The following USP9Y variants were observed in gnomAD, a reference collection of about 807,000 sequenced individuals.
USP9Y encodes the protein ubiquitin carboxyl-terminal hydrolase 9Y.
USP9Y carries 41 observed loss-of-function variants against 53.1 expected under a neutral mutation model. That is an observed-to-expected ratio of 0.77 (90% CI 0.60 to 1.00). USP9Y has a LOEUF of 1.00. Ranked by LOEUF, USP9Y falls within the 50% of genes least tolerant of loss-of-function variation. USP9Y has a pLI of 0.00. For missense variants in USP9Y, 567 were observed against 535.8 expected, an observed-to-expected ratio of 1.06 and a Z score of -0.58; for synonymous variants, 220 against 173.7, an observed-to-expected ratio of 1.27 and a Z score of -2.09.
intron 33 of USP9Y, among the ~76,000 whole-genome samples, chrY:12,827,587 T>C: frequency 3.0e-5 from 1 of 33,425 alleles, no homozygotes; most frequent in Non-Finnish European, 7.4e-5. Context: ...GTTTTTGTAA[T>C]GTATATTCAT....
intron 42 of USP9Y, among the ~76,000 whole-genome samples, chrY:12,850,371 T>G: frequency 3.0e-5 from 1 of 32,834 alleles, no homozygotes; most frequent in Non-Finnish European, 7.5e-5. Context: ...ATCTATTTAT[T>G]TTGTTGATCT....
intron 44 of USP9Y, 109 bp from the exon 45 acceptor site, chrY:12,857,457 C>T (rs750144616): frequency 1.0e-5 from 2 of 199,184 alleles, no homozygotes; most frequent in East Asian, 2.3e-4. Context: ...GTTAAAGAGG[C>T]CAGCTTTGTG....
chrY:12,855,070 C>T (rs765948516), intron 42 of USP9Y, among the ~76,000 whole-genome samples: 70 of 33,072 alleles, frequency 2.1e-3, no homozygotes, highest in Non-Finnish European at 4.8e-3. Context: ...TCAAAAGTTG[C>T]CCTTTCCAAA....
At chrY:12,727,485 G>A in intron 7 of USP9Y, among the ~76,000 whole-genome samples, 2 of 33,232 alleles carry the variant, frequency 6.0e-5, no homozygotes, top group Non-Finnish European at 1.5e-4. Context: ...CAAAACCACT[G>A]CACTAGCAGT....
At chrY:12,736,880 A>G (rs2053452404) in intron 10 of USP9Y, among the ~76,000 whole-genome samples, 1 of 32,415 alleles carries the variant, frequency 3.1e-5, no homozygotes, top group Non-Finnish European at 7.5e-5. Flanking sequence ...CGTAGTGATC[A>G]CTTCCTAATT....
chrY:12,810,937 C>G, intron 29 of USP9Y, 119 bp downstream of exon 29: 1 of 173,309 alleles, frequency 5.8e-6, no homozygotes, highest in South Asian at 5.2e-5. Context: ...AGAATAAATT[C>G]TCAAAATGCC....
intron 44 of USP9Y, 188 bp from the exon 45 acceptor site, chrY:12,857,378 T>G: frequency 8.4e-6 from 1 of 118,629 alleles, no homozygotes; most frequent in Non-Finnish European, 1.6e-5. Context: ...GTGCTGAGAT[T>G]ATAAGCATGA....
intron 15 of USP9Y, among the ~76,000 whole-genome samples, chrY:12,762,510 A>G: frequency 3.0e-5 from 1 of 33,560 alleles, no homozygotes; most frequent in Non-Finnish European, 7.4e-5. Context: ...TCTCATGTTC[A>G]TATTATTTGT....
intron 27 of USP9Y, among the ~76,000 whole-genome samples, chrY:12,797,385 G>T (rs780538265): frequency 4.2e-4 from 14 of 33,167 alleles, no homozygotes; most frequent in Non-Finnish European, 7.4e-4. Context: ...CCAGAAAGGC[G>T]GGACAACTCA....
chrY:12,831,276 A>G (rs1041371067), intron 33 of USP9Y, among the ~76,000 whole-genome samples: 24 of 33,686 alleles, frequency 7.1e-4, no homozygotes, highest in African/African-American at 2.7e-3. Flanking sequence ...AAAATGTTCA[A>G]TATTACTAAT....
rs778068493 is a variant in USP9Y at position 12,791,619 on chromosome Y, C to A, written c.3808C>A (p.Gln1270Lys). Residue 1270 changes from glutamine (Q) to lysine (K), a missense_variant, in exon 26 of 46, where the codon CAG becomes AAG. Gln to Lys is a moderately conservative substitution (Grantham distance 53, BLOSUM62 1). Transcript: ENST00000338981. ...AAATGAAGAAATAACTAAAATTTAT[C>A]AGATGGTAAGAATTATTACAGAAAT... ...SPNEEITKIYQMTTNGSNKLE... is the reference protein window; with the variant it reads ...SPNEEITKIYKMTTNGSNKLE... The A allele has an allele frequency of 5.2e-6, 2 of 384,484 alleles. No homozygotes were observed.
intron 27 of USP9Y, chrY:12,803,026 G>A: frequency 1.5e-4 from 5 of 32,420 alleles, no homozygotes; most frequent in African/African-American, 6.1e-4. Flanking sequence ...GGGATTACAG[G>A]AGAGAGCCAC....
At position 12,793,089 on chromosome Y, in the gene USP9Y, C is replaced by T. The variant is rs762862367; in HGVS notation, c.3871C>T (p.Leu1291=). 5.0e-6 allele frequency: 2 copies of T among 398,813 alleles called. No individual in the cohort carries two copies. The highest frequency in any genetic ancestry group is 7.4e-5 in the Admixed American group (1 of 13,566). ...VEDEQVCCEA[L]EVMTLCFALL... is the part of the protein sequence containing the mutation. ...AGATGAACAAGTTTGCTGTGAAGCA[C>T]TGGAAGTGATGACCTTATGTTTTGC... The change falls in exon 27 of 46, where the codon CTG becomes TTG. Residue 1291 remains leucine, a synonymous_variant. Transcript: ENST00000338981.
chrY:12,751,917 T>C (rs940183003), intron 12 of USP9Y, among the ~76,000 whole-genome samples: 1 of 33,568 alleles, frequency 3.0e-5, no homozygotes, highest in Non-Finnish European at 7.4e-5. Flanking sequence ...AGAAATCAGT[T>C]GGTCACATTT....
chrY:12,778,784 G>A, intron 21 of USP9Y, 29 bp downstream of exon 21: 1 of 373,884 alleles, frequency 2.7e-6, no homozygotes, highest in Non-Finnish European at 3.8e-6. Context: ...AAAATATGAA[G>A]AAATGTGTAG....
At chrY:12,778,952 G>A (rs1603199704) in intron 21 of USP9Y, among the ~76,000 whole-genome samples, 197 bp downstream of exon 21, 1 of 33,004 alleles carries the variant, frequency 3.0e-5, no homozygotes, top group Non-Finnish European at 7.5e-5. Flanking sequence ...TATAGCTTAC[G>A]TATGGTATTA....
chrY:12,736,716 G>C (rs34941773), intron 10 of USP9Y, among the ~76,000 whole-genome samples, 167 bp downstream of exon 10: 216 of 33,164 alleles, frequency 6.5e-3, no homozygotes, highest in Admixed American at 0.015. Flanking sequence ...ATGATTAGTT[G>C]TTTGAAACTG....
intron 34 of USP9Y, among the ~76,000 whole-genome samples, chrY:12,834,318 A>G (rs754515861): frequency 3.1e-5 from 1 of 32,690 alleles, no homozygotes; most frequent in South Asian, 7.0e-4. Context: ...ATCCTGGCCA[A>G]CATGGTGAAA....
intron 12 of USP9Y, among the ~76,000 whole-genome samples, chrY:12,754,206 CGTGTGTGTGTGTGT>C (rs371528539): frequency 3.9e-5 from 1 of 25,349 alleles, no homozygotes; most frequent in Non-Finnish European, 9.1e-5. Context: ...ATACATGTTG[CGTGTGTGTGTGTGT>C]GTGTGTGTGT....
Sources: gnomAD v4.1 joint callset for allele counts (sites outside exome capture counted in the v4.1 genomes callset) on GRCh38, gnomAD v4.1.1 for gene constraint, MANE v1.5 for transcripts, NCBI Gene and HGNC (gene_info 2026-07-23, HGNC 2026-07-21) for gene names.